The following LRMDA variants were observed in gnomAD, a reference collection of about 807,000 sequenced individuals.
The protein encoded by LRMDA is leucine rich melanocyte differentiation associated.
In LRMDA, 18 loss-of-function variants were observed where a neutral mutation model predicts 29.8. The ratio of observed to expected loss-of-function variants is 0.60; its 90% CI spans 0.42 to 0.90. The LOEUF (loss-of-function observed/expected upper bound fraction) is 0.90. Among genes scored for constraint, LRMDA ranks in the 40% least tolerant of loss-of-function variants. The pLI is 0.00. For missense variants in LRMDA, 273 were observed against 273.9 expected (o/e 1.00, Z 0.02); for synonymous variants, 125 against 109.4 (o/e 1.14, Z -0.89).
At chr10:75,968,095 G>T (rs193292824) in intron 2 of LRMDA, among the ~76,000 whole-genome samples, 8 of 152,094 alleles carry the variant, frequency 5.3e-5, no homozygotes, top group Admixed American at 5.2e-4. Flanking sequence ...GGGCTTGTTG[G>T]CTCTGCAGTG....
At chr10:75,607,641 T>C (rs1456128905) in intron 2 of LRMDA, among the ~76,000 whole-genome samples, 1 of 152,174 alleles carries the variant, frequency 6.6e-6, no homozygotes. Context: ...AGCATCTTTT[T>C]CTTTTTAAGG....
At chr10:76,332,913 A>G (rs1322436435) in intron 6 of LRMDA, among the ~76,000 whole-genome samples, 3 of 152,206 alleles carry the variant, frequency 2.0e-5, no homozygotes, top group African/African-American at 4.8e-5. Context: ...GATCCCAAAA[A>G]TGAAGTAATA....
chr10:75,916,574 C>T (rs982758793), intron 2 of LRMDA, among the ~76,000 whole-genome samples: 4 of 152,188 alleles, frequency 2.6e-5, no homozygotes, highest in Non-Finnish European at 5.9e-5. Flanking sequence ...GGCTGCCTGG[C>T]ACATACCCTC....
intron 2 of LRMDA, among the ~76,000 whole-genome samples, chr10:75,562,745 C>T (rs1489876873): frequency 1.3e-5 from 2 of 152,106 alleles, no homozygotes; most frequent in Non-Finnish European, 2.9e-5. Flanking sequence ...AATCTCTCAG[C>T]ATTTGCTTGT....
chr10:75,920,298 G>A (rs1846005345), intron 2 of LRMDA, among the ~76,000 whole-genome samples: 1 of 152,092 alleles, frequency 6.6e-6, no homozygotes, highest in Admixed American at 6.6e-5. Context: ...CCTGTTGATG[G>A]CACATTTGAC....
intron 2 of LRMDA, among the ~76,000 whole-genome samples, chr10:75,657,086 T>C (rs1841686120): frequency 6.6e-6 from 1 of 152,158 alleles, no homozygotes; most frequent in Non-Finnish European, 1.5e-5. Context: ...CCTGGCATGG[T>C]CAAAACATAT....
intron 2 of LRMDA, among the ~76,000 whole-genome samples, chr10:75,532,468 T>A (rs1280779116): frequency 6.6e-6 from 1 of 152,158 alleles, no homozygotes; most frequent in African/African-American, 2.4e-5. Context: ...GGAAAGTGCC[T>A]TTTCTGCTGT....
chr10:76,339,271 CAAA>C (rs201555311), intron 6 of LRMDA, among the ~76,000 whole-genome samples: 51 of 116,338 alleles, frequency 4.4e-4, no homozygotes, highest in Non-Finnish European at 4.2e-4. Flanking sequence ...CCCCTCCTTC[CAAA>C]AAAAAAAAAA....
At chr10:76,099,986 T>A (rs940289257) in intron 5 of LRMDA, among the ~76,000 whole-genome samples, 1 of 152,202 alleles carries the variant, frequency 6.6e-6, no homozygotes, top group Non-Finnish European at 1.5e-5. Context: ...GTCTTCTATA[T>A]CAGTGTCTAC....
intron 2 of LRMDA, among the ~76,000 whole-genome samples, chr10:75,723,292 C>G (rs74621963): frequency 0.024 from 3,687 of 152,298 alleles, 61 homozygotes; most frequent in South Asian, 0.042. Flanking sequence ...GAACTGGGGA[C>G]ATTTAACCCA....
At chr10:75,993,640 G>C (rs1847409266) in intron 2 of LRMDA, among the ~76,000 whole-genome samples, 1 of 152,028 alleles carries the variant, frequency 6.6e-6, no homozygotes, top group Admixed American at 6.5e-5. Flanking sequence ...GGCTGAGGCA[G>C]GAGAGTCTCT....
At chr10:76,401,387 G>A (rs545689106) in intron 6 of LRMDA, among the ~76,000 whole-genome samples, 1 of 152,248 alleles carries the variant, frequency 6.6e-6, no homozygotes, top group African/African-American at 2.4e-5. Context: ...TGGACTCATG[G>A]GCATCATGCT....
intron 6 of LRMDA, among the ~76,000 whole-genome samples, chr10:76,412,238 C>T (rs940696929): frequency 1.3e-5 from 2 of 152,184 alleles, no homozygotes; most frequent in Non-Finnish European, 2.9e-5. Flanking sequence ...GTTGGCTCCC[C>T]ACATTGTGTA....
chr10:75,711,907 T>C (rs1307673791), intron 2 of LRMDA, among the ~76,000 whole-genome samples: 1 of 151,854 alleles, frequency 6.6e-6, no homozygotes, highest in Non-Finnish European at 1.5e-5. Flanking sequence ...ATCTGTTTGA[T>C]TTTGAAGGTA....
intron 2 of LRMDA, among the ~76,000 whole-genome samples, chr10:75,565,047 TG>T (rs1840352424): frequency 6.6e-6 from 1 of 152,218 alleles, no homozygotes. Flanking sequence ...CAAAAATTCA[TG>T]TGATCATTTT....
intron 5 of LRMDA, among the ~76,000 whole-genome samples, chr10:76,175,077 G>A (rs1589363839): frequency 6.6e-6 from 1 of 152,134 alleles, no homozygotes; most frequent in Non-Finnish European, 1.5e-5. Flanking sequence ...AGCCAAGATC[G>A]CACCACTGCA....
chr10:75,575,403 C>T lies in LRMDA; in HGVS notation c.131+136909C>T, dbSNP rs557493522. Among the ~76,000 whole-genome samples, 3 of 152,284 alleles carry T rather than the reference C, an allele frequency of 2.0e-5. No homozygotes were observed. In the South Asian group the frequency reaches 6.2e-4, roughly 32 times the overall value. On this transcript the variant is annotated intron_variant, in intron 2 of 6. Coordinates refer to ENST00000611255, the MANE Select transcript of LRMDA (RefSeq NM_001305581.2). The stretch of plus-strand genomic sequence containing the variant: ...GTCTCATTTGAGACAAGGCTAGTCT[C>T]TTCTGCCTATGAGCCTGTAAAATAA...
chr10:75,790,686 T>C (rs1303979428), intron 2 of LRMDA, among the ~76,000 whole-genome samples: 1 of 152,264 alleles, frequency 6.6e-6, no homozygotes, highest in Non-Finnish European at 1.5e-5. Flanking sequence ...ATTTGGGTGA[T>C]TGATCTGATT....
chr10:76,027,509 GTA>G (rs1278272132), intron 2 of LRMDA, among the ~76,000 whole-genome samples: 1 of 152,078 alleles, frequency 6.6e-6, no homozygotes, highest in Non-Finnish European at 1.5e-5. Context: ...ATATAGATAG[GTA>G]TCACACACAT....
Sources: gnomAD v4.1 joint callset for allele counts (sites outside exome capture counted in the v4.1 genomes callset) on GRCh38, gnomAD v4.1.1 for gene constraint, MANE v1.5 for transcripts, NCBI Gene and HGNC (gene_info 2026-07-23, HGNC 2026-07-21) for gene names.